EXOSC1: variants seen among roughly 807,000 people sequenced by gnomAD.
EXOSC1 encodes exosome complex component CSL4.
Under a neutral mutation model 31.4 loss-of-function variants are expected in EXOSC1, and 27 were observed. The observed-to-expected ratio is 0.86, with a 90% CI of 0.63 to 1.18. EXOSC1 has a LOEUF of 1.18. Ranked by LOEUF, EXOSC1 falls within the 50% of genes most tolerant of loss-of-function variation. EXOSC1 has a pLI of 0.00. For missense variants in EXOSC1, 228 were observed against 250.3 expected, an observed-to-expected ratio of 0.91 and a Z score of 0.60; for synonymous variants, 84 against 89.5, an observed-to-expected ratio of 0.94 and a Z score of 0.35.
chr10:97,437,802 T>C (rs1845591065), intron 5 of EXOSC1, 52 bp from the exon 6 acceptor site: 2 of 1,459,856 alleles, frequency 1.4e-6, no homozygotes, highest in Non-Finnish European at 1.9e-6. Flanking sequence ...TGGGTCTATA[T>C]GAAACTGTGA....
intron 2 of EXOSC1, chr10:97,443,890 T>G (rs1845794407): frequency 6.6e-6 from 1 of 152,216 alleles, no homozygotes; most frequent in South Asian, 2.1e-4. Flanking sequence ...CCTCCTGGGT[T>G]CAAGTGATTC....
At chr10:97,445,594 C>T in intron 2 of EXOSC1, 138 bp downstream of exon 2, 5 of 733,764 alleles carry the variant, frequency 6.8e-6, no homozygotes, top group Non-Finnish European at 8.8e-6. Flanking sequence ...AGCGGCGATA[C>T]GGCTAGAAGA....
intron 5 of EXOSC1, among the ~76,000 whole-genome samples, 178 bp from the exon 6 acceptor site, chr10:97,437,928 T>A (rs1310350673): frequency 6.6e-6 from 1 of 152,152 alleles, no homozygotes; most frequent in Admixed American, 6.5e-5. Flanking sequence ...AATGAAAATT[T>A]TTTTTTTTTG....
At chr10:97,442,324 G>T (rs1348203514) in intron 3 of EXOSC1, among the ~76,000 whole-genome samples, 8 of 152,134 alleles carry the variant, frequency 5.3e-5, no homozygotes, top group Non-Finnish European at 1.5e-5. Flanking sequence ...TGTATTCAGG[G>T]AATCAGCTCA....
At position 97,443,232 on chromosome 10, in the gene EXOSC1, CT is replaced by C. The variant is rs1845771401; in HGVS notation, c.222+4del. On this transcript the variant is annotated splice_donor_region_variant and intron_variant, in intron 3 of 7. Coordinates refer to ENST00000370902, the MANE Select transcript of EXOSC1 (RefSeq NM_016046.5). Reference sequence around the variant, plus strand: ...TTCTAAGCATGGAGGTCAGGACCAACTTACCTTACAGGTTACAATAGCTCCC... The same window carrying C: ...TTCTAAGCATGGAGGTCAGGACCAACTACCTTACAGGTTACAATAGCTCCC... 6.2e-7 allele frequency: 1 copy of C among 1,613,268 alleles called. No individual in the cohort carries two copies. The highest frequency in any genetic ancestry group is 1.3e-5 in the African/African-American group (1 of 75,010).
chr10:97,445,884 G>A (rs1358253069), intron 1 of EXOSC1, 37 bp from the exon 2 acceptor site: 2 of 1,613,604 alleles, frequency 1.2e-6, no homozygotes, highest in Admixed American at 3.3e-5. Flanking sequence ...CGGGCCCCCA[G>A]AAGCTGTAGG....
chr10:97,443,453 C>A, intron 2 of EXOSC1, 142 bp from the exon 3 acceptor site: 1 of 699,224 alleles, frequency 1.4e-6, no homozygotes, highest in Non-Finnish European at 2.4e-6. Context: ...GAGCAGAAGG[C>A]CTTAGAAATT....
intron 3 of EXOSC1, among the ~76,000 whole-genome samples, chr10:97,442,748 C>T (rs905090653): frequency 1.3e-5 from 2 of 152,042 alleles, no homozygotes; most frequent in African/African-American, 4.8e-5. Flanking sequence ...TGCTGTGACG[C>T]AGGCTCACTG....
intron 4 of EXOSC1, 57 bp from the exon 5 acceptor site, chr10:97,438,760 T>G: frequency 1.4e-6 from 2 of 1,457,482 alleles, no homozygotes; most frequent in Non-Finnish European, 1.9e-6. Flanking sequence ...ATTTTTTTTT[T>G]TTTTTTTTTT....
chr10:97,438,049 A>G (rs1024808393), intron 5 of EXOSC1, among the ~76,000 whole-genome samples: 1 of 151,620 alleles, frequency 6.6e-6, no homozygotes, highest in Non-Finnish European at 1.5e-5. Context: ...CCTCCTGAGT[A>G]GCTGGGATTA....
At chr10:97,438,521 T>A in intron 5 of EXOSC1, 149 bp downstream of exon 5, 1 of 710,880 alleles carries the variant, frequency 1.4e-6, no homozygotes, top group African/African-American at 1.8e-5. Context: ...CCAGGGCTGG[T>A]CTTGAAGTCC....
In EXOSC1 at chr10:97,438,192, C is replaced by T. The variant is rs370000404; in HGVS notation, c.346-442G>A. 5.9e-5 allele frequency among the ~76,000 whole-genome samples: 9 copies of T among 152,172 alleles called. No individual in the cohort carries two copies. In the East Asian group the frequency reaches 1.2e-3, roughly 20 times the overall value. Reference sequence around the variant, plus strand: ...TTGGCCTCCCAAAGAGCTGGGATTACAGGTGTGATCCACTGCACCCGGCCC... The same window carrying T: ...TTGGCCTCCCAAAGAGCTGGGATTATAGGTGTGATCCACTGCACCCGGCCC... On this transcript the variant is annotated intron_variant, in intron 5 of 7. Coordinates refer to ENST00000370902, the MANE Select transcript of EXOSC1 (RefSeq NM_016046.5).
chr10:97,437,291 C>T lies in EXOSC1; in HGVS notation c.397-16G>A, dbSNP rs371679381. On this transcript the variant is annotated splice_polypyrimidine_tract_variant and intron_variant, in intron 6 of 7. Transcript: ENST00000370902. ...CTAAGGAGATCTAGTCACATAACAC[C>T]GGTGAAGGAAAATGAGGAGTTAGAA... 1.5e-4 allele frequency: 234 copies of T among 1,602,524 alleles called. No individual in the cohort carries two copies. In the African/African-American group the frequency reaches 1.7e-3, roughly 12 times the overall value.
intron 7 of EXOSC1, 78 bp downstream of exon 7, chr10:97,437,113 G>A: frequency 1.6e-6 from 2 of 1,285,664 alleles, no homozygotes; most frequent in Non-Finnish European, 2.3e-6. Flanking sequence ...CCAGATAAGG[G>A]AAACCAGGAA....
At chr10:97,445,449 TC>T in intron 2 of EXOSC1, 1 of 504,930 alleles carries the variant, frequency 2.0e-6, no homozygotes, top group Non-Finnish European at 3.6e-6. Flanking sequence ...AGTATGCAAC[TC>T]ACTGCTGGGC....
At chr10:97,438,907 T>C (rs973294503) in intron 4 of EXOSC1, among the ~76,000 whole-genome samples, 2 of 151,960 alleles carry the variant, frequency 1.3e-5, no homozygotes, top group African/African-American at 4.8e-5. Flanking sequence ...ACGTCCGCCA[T>C]GCCCAGCTAG....
rs1845572696 is a variant in EXOSC1 at position 97,437,361 on chromosome 10, T to G, written c.397-86A>C. The G allele has an allele frequency of 1.3e-5, 14 of 1,072,680 alleles. No individual in the cohort carries two copies. The South Asian group carries it at 1.8e-4, about 14-fold the overall frequency. 66.4% of individuals were successfully genotyped at this position (1,072,680 alleles called of 1,614,324 possible). A position where few individuals can be genotyped will look rare whatever the true frequency, so the allele number is the denominator to read the frequency against. ...ACCTGAGTTGTTTTTCTACCTTTTT[T>G]TTTTTCTGAGATGGAGTCTTGCTCC... On this transcript the variant is annotated intron_variant, in intron 6 of 7. Transcript: ENST00000370902.
intron 4 of EXOSC1, 142 bp downstream of exon 4, chr10:97,441,029 G>A: frequency 3.2e-6 from 2 of 633,380 alleles, no homozygotes; most frequent in South Asian, 4.0e-5. Context: ...GATACTACTA[G>A]GGGAGAATCA....
chr10:97,442,126 C>T (rs538791798), intron 3 of EXOSC1, among the ~76,000 whole-genome samples: 3 of 150,666 alleles, frequency 2.0e-5, no homozygotes, highest in East Asian at 2.0e-4. Flanking sequence ...TGCAGTGAGC[C>T]GAGATCGTGC....
Sources: gnomAD v4.1 joint callset for allele counts (sites outside exome capture counted in the v4.1 genomes callset) on GRCh38, gnomAD v4.1.1 for gene constraint, MANE v1.5 for transcripts, NCBI Gene and HGNC (gene_info 2026-07-23, HGNC 2026-07-21) for gene names.